The following AANAT variants were observed in gnomAD, a reference collection of about 807,000 sequenced individuals.
The protein encoded by AANAT is serotonin N-acetyltransferase.
AANAT carries 11 observed loss-of-function variants against 15.6 expected under a neutral mutation model. The observed-to-expected ratio is 0.71, with a 90% confidence interval of 0.44 to 1.17. AANAT has a LOEUF of 1.17. AANAT is among the 50% of genes most tolerant of loss of function. The probability of loss-of-function intolerance (pLI) is 0.00; values close to 1 mark genes in which losing one functional copy is unlikely to be tolerated. For synonymous variants in AANAT, 139 were observed against 131.5 expected, an observed-to-expected ratio of 1.06 and a Z score of -0.39; for missense variants, 286 against 296.3, an observed-to-expected ratio of 0.97 and a Z score of 0.26.
chr17:76,466,055 G>T, upstream of AANAT: 1 of 844,932 alleles, frequency 1.2e-6, no homozygotes, highest in Non-Finnish European at 1.9e-6. Context: ...GACCTCTAGG[G>T]TGTTGTCCGG....
chr17:76,453,689 G>A (rs139511874), exon 1 of AANAT: 1 of 152,258 alleles, frequency 6.6e-6, no homozygotes, highest in Non-Finnish European at 1.5e-5. Context: ...TAGAGCATAT[G>A]TATAATGCAC....
upstream of AANAT, chr17:76,465,926 T>C (rs1246386415): frequency 2.0e-6 from 1 of 496,778 alleles, no homozygotes; most frequent in African/African-American, 2.0e-5. Context: ...GGCGAGTCAC[T>C]ACAGCCTCGA....
chr17:76,464,951 A>G (rs1479964683), upstream of AANAT, among the ~76,000 whole-genome samples: 1 of 151,968 alleles, frequency 6.6e-6, no homozygotes, highest in African/African-American at 2.4e-5. Context: ...GCCCACCACC[A>G]CACCTGGCTG....
chr17:76,460,824 A>T (rs886942845), intron 2 of AANAT, among the ~76,000 whole-genome samples: 2 of 152,134 alleles, frequency 1.3e-5, no homozygotes, highest in Non-Finnish European at 2.9e-5. Context: ...TGAGCCCCAA[A>T]TAAGGCAGGG....
chr17:76,466,079 A>T, upstream of AANAT: 1 of 1,087,816 alleles, frequency 9.2e-7, no homozygotes, highest in Non-Finnish European at 1.4e-6. Flanking sequence ...GAACAGGGCC[A>T]TGTGGAAGTC....
upstream of AANAT, among the ~76,000 whole-genome samples, chr17:76,467,261 T>C (rs180672394): frequency 5.3e-4 from 81 of 152,174 alleles, 1 homozygote; most frequent in East Asian, 0.01. Flanking sequence ...AGTGCACAAA[T>C]TGGTAGCTTG....
Position 76,469,461 on chromosome 17 carries a change from C to A in AANAT, c.318+134C>A. ...GAGAGATGAGTACAGGCCACAGGCCCCTCCCAGAGCAAGACCTTCTGGGTC... is the reference window on the plus strand; with the variant it reads ...GAGAGATGAGTACAGGCCACAGGCCACTCCCAGAGCAAGACCTTCTGGGTC... On this transcript the variant is annotated intron_variant, in intron 3 of 3. Coordinates refer to ENST00000392492, the MANE Select transcript of AANAT (RefSeq NM_001088.3). The surrounding 1 kb of genome is among the most constrained non-coding windows in gnomAD (Gnocchi z 5.2). 1 of 1,334,002 alleles carries A rather than the reference C, an allele frequency of 7.5e-7. No homozygotes were observed. 82.6% of individuals were successfully genotyped at this position (1,334,002 alleles called of 1,614,324 possible).
At chr17:76,468,499 T>C in intron 1 of AANAT, 173 bp from the exon 2 acceptor site, 1 of 618,484 alleles carries the variant, frequency 1.6e-6, no homozygotes, top group South Asian at 2.1e-5. Context: ...ACAGTGCCAA[T>C]GTTTGCAATG....
At position 76,469,299 on chromosome 17, in the gene AANAT, C is replaced by G. The variant is rs577400794; in HGVS notation, c.290C>G (p.Ser97Trp). 4.3e-6 allele frequency: 7 copies of G among 1,613,990 alleles called. No individual in the cohort carries two copies. Among genetic ancestry groups the G allele is most frequent in the African/African-American group, 2.7e-5 (2 of 74,930 alleles). Residue 97 changes from serine (S) to tryptophan (W), a missense_variant, in exon 3 of 4, where the codon TCG becomes TGG. Coordinates refer to ENST00000392492, the MANE Select transcript of AANAT (RefSeq NM_001088.3). This position sits in a 1 kb window ranked among gnomAD's most constrained non-coding sequence, Gnocchi z 5.2. ...EGCLVAFIIG[S>W]LWDKERLMQE... ...TGCCTTGTGGCCTTCATCATCGGCTCGCTCTGGGACAAGGAGAGACTCATG... is the reference window on the plus strand; with the variant it reads ...TGCCTTGTGGCCTTCATCATCGGCTGGCTCTGGGACAAGGAGAGACTCATG...
chr17:76,455,507 T>C (rs2073335401), intron 1 of AANAT, among the ~76,000 whole-genome samples: 1 of 152,222 alleles, frequency 6.6e-6, no homozygotes, highest in South Asian at 2.1e-4. Flanking sequence ...AGGGTTTAGA[T>C]ACATTCTCAG....
At chr17:76,454,386 G>T (rs2073316687) in intron 1 of AANAT, among the ~76,000 whole-genome samples, 1 of 151,836 alleles carries the variant, frequency 6.6e-6, no homozygotes, top group Non-Finnish European at 1.5e-5. Flanking sequence ...TCAGGAGGCT[G>T]AGGCAGGCAA....
Position 76,469,478 on chromosome 17 carries a change from T to C in AANAT, c.318+151T>C, listed in dbSNP as rs2073489504. ...CACAGGCCCCTCCCAGAGCAAGACC[T>C]TCTGGGTCTTCAAGTTTTCTCCATG... On this transcript the variant is annotated intron_variant, in intron 3 of 3. Transcript: ENST00000392492. The surrounding 1 kb of genome is among the most constrained non-coding windows in gnomAD (Gnocchi z 5.2). The C allele has an allele frequency of 7.9e-7, 1 of 1,263,850 alleles. No individual in the cohort carries two copies. The highest frequency in any genetic ancestry group is 1.1e-6 in the Non-Finnish European group (1 of 928,700). The allele number at this position is 1,263,850 out of a possible 1,614,324, so 78.3% of individuals were successfully genotyped here. A position where few individuals can be genotyped will look rare whatever the true frequency, so the allele number is the denominator to read the frequency against.
At chr17:76,460,956 G>A (rs956201398) in intron 2 of AANAT, among the ~76,000 whole-genome samples, 1 of 152,134 alleles carries the variant, frequency 6.6e-6, no homozygotes, top group Non-Finnish European at 1.5e-5. Context: ...TTTGAGGTCA[G>A]GAGTTTGAGA....
At chr17:76,456,174 A>T (rs1002770225) in intron 1 of AANAT, among the ~76,000 whole-genome samples, 1 of 151,732 alleles carries the variant, frequency 6.6e-6, no homozygotes, top group East Asian at 1.9e-4. Flanking sequence ...TCTACTAAAA[A>T]TACAAAATTA....
At chr17:76,463,160 C>T (rs866002294), upstream of AANAT, among the ~76,000 whole-genome samples, 8 of 152,102 alleles carry the variant, frequency 5.3e-5, no homozygotes, top group Non-Finnish European at 1.0e-4. Context: ...GGGTGGGGGC[C>T]GTGGGGAGGT....
rs990849553 is a variant in AANAT, at chr17:76,469,546, G to A, written c.319-119G>A. 5.3e-5 allele frequency: 68 copies of A among 1,284,650 alleles called. No homozygotes were observed. The highest frequency in any genetic ancestry group is 5.5e-4 in the Middle Eastern group (2 of 3,618). The allele number at this position is 1,284,650 out of a possible 1,614,324, so 79.6% of individuals were successfully genotyped here. A position where few individuals can be genotyped will look rare whatever the true frequency, so the allele number is the denominator to read the frequency against. ...CCCAATTTGGGGCCCTCCTTTGCTG[G>A]GGTGGGTGCCCTGACCACAGGCACC... On this transcript the variant is annotated intron_variant, in intron 3 of 3. Transcript: ENST00000392492. The surrounding 1 kb of genome is among the most constrained non-coding windows in gnomAD (Gnocchi z 5.2).
intron 1 of AANAT, among the ~76,000 whole-genome samples, chr17:76,458,286 C>T (rs2073357686): frequency 6.6e-6 from 1 of 152,180 alleles, no homozygotes; most frequent in Admixed American, 6.6e-5. Context: ...CTCACTCAGA[C>T]CCAAGATGCT....
chr17:76,470,110 C>A lies in AANAT; in HGVS notation c.*140C>A. On this transcript the variant is annotated 3_prime_UTR_variant, in exon 4 of 4. Transcript: ENST00000392492. ...AAAGAGGAGATAAGGTGGCTTCTCA[C>A]GGCCTGAGCTGGAGTGGTGTGTCTT... 3.2e-6 allele frequency: 3 copies of A among 940,876 alleles called. No individual in the cohort carries two copies. The highest frequency in any genetic ancestry group is 4.5e-6 in the Non-Finnish European group (3 of 672,582). The allele number at this position is 940,876 out of a possible 1,614,324, so 58.3% of individuals were successfully genotyped here.
In AANAT at chr17:76,460,129, A is replaced by ATTTTTTTTTTT. The variant is rs1567863927; in HGVS notation, c.-456+763_-456+764insTTTTTTTTTTT. ...CCAGCCTCAGTCACCTACTTCAGGA[A>ATTTTTTTTTTT]ATTTTTTTTTTTTTTTTTTTTTTTT... On this transcript the variant is annotated intron_variant, in intron 2 of 6. Transcript: ENST00000250615. Among the ~76,000 whole-genome samples, 3 of 82,926 alleles carry ATTTTTTTTTTT rather than the reference A, an allele frequency of 3.6e-5. 1 individual carries two copies. The highest frequency in any genetic ancestry group is 2.3e-5 in the Non-Finnish European group (1 of 43,050). The allele number at this position is 82,926 out of a possible 152,430, so 54.4% of individuals were successfully genotyped here.
Sources: gnomAD v4.1 joint callset for allele counts (sites outside exome capture counted in the v4.1 genomes callset) on GRCh38, gnomAD v4.1.1 for gene constraint, Gnocchi (gnomAD v3.1) non-coding constraint, MANE v1.5 for transcripts, NCBI Gene and HGNC (gene_info 2026-07-23, HGNC 2026-07-21) for gene names.